STAM: variants seen among roughly 807,000 people sequenced by gnomAD.
The protein encoded by STAM is signal transducing adaptor molecule, also known as signal transducing adapter molecule 1.
In STAM, 16 loss-of-function variants were observed where a neutral mutation model predicts 63.4. The observed-to-expected ratio is 0.25, with a 90% CI of 0.17 to 0.38. The LOEUF (loss-of-function observed/expected upper bound fraction) is 0.38. Ranked by LOEUF, STAM falls within the 10% of genes least tolerant of loss-of-function variation. The pLI is 1.00. For synonymous variants in STAM, 238 were observed against 223.9 expected (o/e 1.06, Z -0.56); for missense variants, 636 against 657.1 (o/e 0.97, Z 0.35).
chr10:17,660,189 G>T (rs1444011039), intron 1 of STAM, among the ~76,000 whole-genome samples: 1 of 152,094 alleles, frequency 6.6e-6, no homozygotes, highest in Non-Finnish European at 1.5e-5. Flanking sequence ...GCAGATGGTG[G>T]TAGACCTATA....
intron 2 of STAM, among the ~76,000 whole-genome samples, chr10:17,679,668 C>T (rs1173250985): frequency 2.6e-5 from 4 of 151,288 alleles, no homozygotes; most frequent in South Asian, 2.1e-4. Context: ...AGATTTTCTT[C>T]GTGGGAAGTT....
intron 2 of STAM, among the ~76,000 whole-genome samples, chr10:17,678,840 G>A (rs1307941119): frequency 1.3e-5 from 2 of 151,704 alleles, no homozygotes; most frequent in African/African-American, 4.9e-5. Context: ...TTATGAATTT[G>A]TCTATTCTAG....
At position 17,704,455 on chromosome 10, in the gene STAM, A is replaced by G. The variant is rs1836160760; in HGVS notation, c.937A>G (p.Met313Val). The G allele has an allele frequency of 6.2e-7, 1 of 1,614,002 alleles. No homozygotes were observed. Among genetic ancestry groups the G allele is most frequent in the Non-Finnish European group, 8.5e-7 (1 of 1,179,992 alleles). Residue 313 changes from methionine to valine, a missense_variant, in exon 10 of 14, where the codon ATG becomes GTG. This residue lies in a region of STAM where 532 missense variants were observed against 536.9 expected (regional missense o/e 0.99). Transcript: ENST00000377524. ...GGATAAAATGGACCAGTTGCTACAG[A>G]TGCTGCAAAGTACAGACCCCAGTGA... ...DEDKMDQLLQ[M>V]LQSTDPSDDQ...
At chr10:17,683,993 T>C (rs1432405104) in intron 2 of STAM, among the ~76,000 whole-genome samples, 3 of 152,248 alleles carry the variant, frequency 2.0e-5, no homozygotes, top group African/African-American at 7.2e-5. Flanking sequence ...GCTGCATTGC[T>C]AGGGTCTAAA....
rs1554827350 is a variant in STAM, at chr10:17,695,237, G to T, written c.724G>T (p.Asp242Tyr). 2.5e-6 allele frequency: 4 copies of T among 1,612,734 alleles called. No homozygotes were observed. The highest frequency in any genetic ancestry group is 3.4e-6 in the Non-Finnish European group (4 of 1,179,304). ...TGGAGAAATTATTACAGTTCTTGAT[G>T]ACAGGTAATGTTAATATTACATTTA... ...KAGEIITVLD[D>Y]SDPNWWKGET... Residue 242 changes from aspartate (D) to tyrosine (Y), a missense_variant, in exon 7 of 14, where the codon GAC becomes TAC. Asp to Tyr is a radical substitution (Grantham distance 160). Coordinates refer to ENST00000377524, the MANE Select transcript of STAM (RefSeq NM_003473.4).
chr10:17,696,904 T>G, intron 8 of STAM, 35 bp downstream of exon 8: 1 of 1,524,236 alleles, frequency 6.6e-7, no homozygotes, highest in Non-Finnish European at 9.1e-7. Context: ...AAATGATGTT[T>G]TCTAATCCTT....
chr10:17,678,122 C>T (rs1207484918), intron 2 of STAM, among the ~76,000 whole-genome samples: 1 of 152,158 alleles, frequency 6.6e-6, no homozygotes, highest in Non-Finnish European at 1.5e-5. Flanking sequence ...AGCAGTCACT[C>T]CCATTCCCAC....
chr10:17,689,014 G>A (rs1477392897), intron 5 of STAM, among the ~76,000 whole-genome samples: 1 of 152,104 alleles, frequency 6.6e-6, no homozygotes, highest in Non-Finnish European at 1.5e-5. Flanking sequence ...AGTAAGAGCC[G>A]ACCAGTACAT....
rs559915707 is a variant in STAM, at chr10:17,712,747, G to A, written c.1386-1796G>A. On this transcript the variant is annotated intron_variant, in intron 13 of 13. Coordinates refer to ENST00000377524, the MANE Select transcript of STAM (RefSeq NM_003473.4). ...AACGCATGTATTCCGTTGGAAACAG[G>A]AAGACAGGAAGTAGAGGCAGTGGAT... Among the ~76,000 whole-genome samples the A allele has an allele frequency of 1.2e-4, 19 of 152,336 alleles. No individual in the cohort carries two copies. In the South Asian group the frequency reaches 3.7e-3, roughly 30 times the overall value.
rs183947861 is a variant in STAM at position 17,693,140 on chromosome 10, A to G, written c.445-82A>G. 3 of 1,203,124 alleles carry G rather than the reference A, an allele frequency of 2.5e-6. No homozygotes were observed. In the East Asian group the frequency reaches 7.1e-5, roughly 29 times the overall value. The allele number at this position is 1,203,124 out of a possible 1,614,324, so 74.5% of individuals were successfully genotyped here. A position where few individuals can be genotyped will look rare whatever the true frequency, so the allele number is the denominator to read the frequency against. ...GAAATCTGTGCTAGATTGATGAGAA[A>G]GGTTTTGCAAATTCTTAGGGTGGGT... On this transcript the variant is annotated intron_variant, in intron 5 of 13. Coordinates refer to ENST00000377524, the MANE Select transcript of STAM (RefSeq NM_003473.4).
At chr10:17,691,319 C>G (rs1554826764) in intron 5 of STAM, among the ~76,000 whole-genome samples, 1 of 152,074 alleles carries the variant, frequency 6.6e-6, no homozygotes, top group Non-Finnish European at 1.5e-5. Flanking sequence ...GAGATCGAGA[C>G]CATCCTGGCT....
chr10:17,650,842 G>T (rs1370365312), intron 1 of STAM, among the ~76,000 whole-genome samples: 1 of 152,108 alleles, frequency 6.6e-6, no homozygotes, highest in East Asian at 1.9e-4. Flanking sequence ...GAGGTGGGCG[G>T]ATTATGAGGT....
intron 2 of STAM, 86 bp from the exon 3 acceptor site, chr10:17,684,589 A>G: frequency 1.0e-6 from 1 of 1,001,136 alleles, no homozygotes; most frequent in Non-Finnish European, 1.5e-6. Context: ...CTCCCTTTTT[A>G]TCGTAGTCTT....
chr10:17,709,901 CAG>C (rs1462267690), intron 13 of STAM, among the ~76,000 whole-genome samples: 1 of 146,772 alleles, frequency 6.8e-6, no homozygotes, highest in African/African-American at 2.5e-5. Context: ...TGTCAGAAAA[CAG>C]GGCATTCCCT....
At chr10:17,654,521 T>C (rs1833864981) in intron 1 of STAM, among the ~76,000 whole-genome samples, 2 of 152,070 alleles carry the variant, frequency 1.3e-5, no homozygotes, top group South Asian at 4.1e-4. Flanking sequence ...CGCGCCCGGC[T>C]AAACCAGGTA....
At chr10:17,694,553 C>G (rs1422082770) in intron 6 of STAM, among the ~76,000 whole-genome samples, 1 of 152,072 alleles carries the variant, frequency 6.6e-6, no homozygotes, top group Non-Finnish European at 1.5e-5. Context: ...CGTTTGAGAT[C>G]TATTTTGGAG....
At chr10:17,685,293 A>G (rs981159914) in intron 4 of STAM, among the ~76,000 whole-genome samples, 2 of 152,212 alleles carry the variant, frequency 1.3e-5, no homozygotes, top group South Asian at 2.1e-4. Flanking sequence ...CAAAAAGTCT[A>G]TGGCACCGTT....
At chr10:17,657,918 G>A (rs546775668) in intron 1 of STAM, among the ~76,000 whole-genome samples, 1 of 150,830 alleles carries the variant, frequency 6.6e-6, no homozygotes, top group African/African-American at 2.4e-5. Context: ...AAAATAACCA[G>A]CTTTTGGTTG....
intron 6 of STAM, 91 bp downstream of exon 6, chr10:17,693,403 C>A: frequency 2.7e-6 from 3 of 1,096,088 alleles, no homozygotes; most frequent in South Asian, 1.6e-5. Context: ...AACTTTATAG[C>A]AAAAAGCTGA....
Sources: allele counts gnomAD v4.1 joint callset (sites outside exome capture counted in the v4.1 genomes callset), GRCh38; gene constraint gnomAD v4.1.1; regional missense constraint gnomAD v4.1.1; transcripts MANE v1.5; gene names NCBI Gene and HGNC (gene_info 2026-07-23, HGNC 2026-07-21).